Variants in TGFBRAP1 observed in about 807,000 individuals in gnomAD.
TGFBRAP1 encodes the protein transforming growth factor-beta receptor-associated protein 1.
Under a neutral mutation model 83.2 loss-of-function variants are expected in TGFBRAP1, and 20 were observed. That is an observed-to-expected ratio of 0.24 (90% CI 0.17 to 0.35). The LOEUF (loss-of-function observed/expected upper bound fraction) is 0.35, where lower values mean the gene tolerates loss of function less well. Among genes scored for constraint, TGFBRAP1 ranks in the 10% least tolerant of loss-of-function variants. The probability of loss-of-function intolerance (pLI) is 1.00; values close to 1 mark genes in which losing one functional copy is unlikely to be tolerated. For synonymous variants in TGFBRAP1, 415 were observed against 459.8 expected (o/e 0.90, Z 1.25); for missense variants, 950 against 1,099.4 (o/e 0.86, Z 1.92).
Position 105,326,995 on chromosome 2 carries a change from C to T in TGFBRAP1, c.-18+2630G>A, listed in dbSNP as rs986623843. On this transcript the variant is annotated intron_variant, in intron 1 of 11. Coordinates refer to ENST00000393359, the MANE Select transcript of TGFBRAP1 (RefSeq NM_004257.6). ...ATTTATTTTTTTAAATAAAGAAAAA[C>T]GAGTCAGGTTTGCTACAGAGATGAG... Among the ~76,000 whole-genome samples the T allele has an allele frequency of 6.6e-5, 10 of 152,144 alleles. 1 individual carries two copies. The South Asian group carries it at 1.0e-3, about 16-fold the overall frequency.
intron 1 of TGFBRAP1, among the ~76,000 whole-genome samples, chr2:105,325,638 T>G (rs1159661750): frequency 6.6e-6 from 1 of 151,948 alleles, no homozygotes; most frequent in African/African-American, 2.4e-5. Context: ...CCACCGTGAG[T>G]CTAGAAGAGG....
intron 1 of TGFBRAP1, among the ~76,000 whole-genome samples, chr2:105,309,330 G>A (rs771852041): frequency 6.6e-6 from 1 of 152,216 alleles, no homozygotes; most frequent in Non-Finnish European, 1.5e-5. Context: ...CTGGGCTTGC[G>A]TCAGCACTGC....
chr2:105,277,402 T>G (rs1170907337), intron 7 of TGFBRAP1, among the ~76,000 whole-genome samples: 1 of 152,224 alleles, frequency 6.6e-6, no homozygotes, highest in Admixed American at 6.5e-5. Context: ...ATAATGTTCT[T>G]TAAGGAGATG....
the TGFBRAP1 span, among the ~76,000 whole-genome samples, chr2:105,250,294 G>A: frequency 0.037 from 5,640 of 152,260 alleles, 367 homozygotes; most frequent in African/African-American, 0.13. Context: ...GTAAACTCCT[G>A]AAGATCCCCA....
At chr2:105,259,134 C>T in the TGFBRAP1 span, among the ~76,000 whole-genome samples, 1 of 152,188 alleles carries the variant, frequency 6.6e-6, no homozygotes, top group Admixed American at 6.5e-5. Flanking sequence ...GTGGTCTATT[C>T]CACACGGAAT....
chr2:105,275,774 T>C, intron 7 of TGFBRAP1, 71 bp from the exon 8 acceptor site: 11 of 1,478,646 alleles, frequency 7.4e-6, no homozygotes, highest in African/African-American at 1.4e-5. Context: ...TATCTCAGAA[T>C]TAGTTGAGAA....
chr2:105,301,530 T>C (rs1678291756), intron 2 of TGFBRAP1, among the ~76,000 whole-genome samples: 1 of 152,004 alleles, frequency 6.6e-6, no homozygotes, highest in African/African-American at 2.4e-5. Flanking sequence ...GAGGTTGCAG[T>C]GAGCCGAGAT....
chr2:105,290,464 GA>G (rs1221544242), intron 4 of TGFBRAP1, among the ~76,000 whole-genome samples: 1 of 152,104 alleles, frequency 6.6e-6, no homozygotes, highest in Non-Finnish European at 1.5e-5. Flanking sequence ...AGATATTAGA[GA>G]AATTAGCCCT....
intron 2 of TGFBRAP1, among the ~76,000 whole-genome samples, chr2:105,302,476 G>A (rs1044052193): frequency 5.9e-5 from 9 of 151,962 alleles, no homozygotes; most frequent in African/African-American, 9.7e-5. Context: ...AGAATAGTGC[G>A]CAGCTATAAA....
chr2:105,277,500 G>A (rs1000977950), intron 7 of TGFBRAP1, 114 bp downstream of exon 7: 1 of 883,758 alleles, frequency 1.1e-6, no homozygotes, highest in South Asian at 1.4e-5. Context: ...GTATAAAAGG[G>A]TGTAGATCAG....
downstream of TGFBRAP1, among the ~76,000 whole-genome samples, chr2:105,260,719 C>G (rs1402549672): frequency 9.0e-6 from 1 of 111,326 alleles, no homozygotes; most frequent in East Asian, 2.6e-4. Flanking sequence ...CAGAACTACA[C>G]ACTTAAAAAT....
intron 4 of TGFBRAP1, 152 bp downstream of exon 4, chr2:105,296,204 A>T: frequency 1.0e-6 from 1 of 965,008 alleles, no homozygotes; most frequent in Non-Finnish European, 1.5e-6. Flanking sequence ...CCTTATCTAC[A>T]CAATATGTAT....
chr2:105,302,592 T>C (rs910283231), intron 2 of TGFBRAP1, among the ~76,000 whole-genome samples: 6 of 151,990 alleles, frequency 3.9e-5, no homozygotes, highest in African/African-American at 7.2e-5. Context: ...AAGGAGGAGA[T>C]ACAAATATTT....
At chr2:105,292,775 T>C (rs1201748387) in intron 4 of TGFBRAP1, among the ~76,000 whole-genome samples, 1 of 152,198 alleles carries the variant, frequency 6.6e-6, no homozygotes, top group Admixed American at 6.5e-5. Context: ...TTGAATATAC[T>C]TTGTTTTACT....
chr2:105,261,649 G>A (rs6745194), downstream of TGFBRAP1, among the ~76,000 whole-genome samples: 15,953 of 152,138 alleles, frequency 0.1, 1,138 homozygotes, highest in Middle Eastern at 0.15. Context: ...CTACTCGGGA[G>A]GCTGAGGCAG....
rs779646367 is a variant in TGFBRAP1, at chr2:105,267,375, C to G, written c.*8G>C. On this transcript the variant is annotated 3_prime_UTR_variant, in exon 12 of 12. Transcript: ENST00000393359. ...CGGAGTTCCCCTCGCACCCTTGGGC[C>G]AAGCTTTTCAAGTCCGAGTGCCAGG... 6.2e-7 allele frequency: 1 copy of G among 1,614,032 alleles called. No individual in the cohort carries two copies. The highest frequency in any genetic ancestry group is 8.5e-7 in the Non-Finnish European group (1 of 1,179,976).
chr2:105,287,343 T>A (rs1416812072), intron 4 of TGFBRAP1, among the ~76,000 whole-genome samples: 1 of 152,172 alleles, frequency 6.6e-6, no homozygotes, highest in East Asian at 1.9e-4. Flanking sequence ...TAAAAATAGT[T>A]AAAATGGTAA....
At chr2:105,296,110 A>G (rs1334276257) in intron 4 of TGFBRAP1, among the ~76,000 whole-genome samples, 1 of 152,214 alleles carries the variant, frequency 6.6e-6, no homozygotes, top group Non-Finnish European at 1.5e-5. Flanking sequence ...TAGCAGAATT[A>G]AGTCACAAGT....
At chr2:105,255,139 A>G in the TGFBRAP1 span, among the ~76,000 whole-genome samples, 1 of 150,492 alleles carries the variant, frequency 6.6e-6, no homozygotes, top group Non-Finnish European at 1.5e-5. Flanking sequence ...GAGAAGCAGA[A>G]TACAATTTCA....
Sources: gnomAD v4.1 joint callset for allele counts (sites outside exome capture counted in the v4.1 genomes callset) on GRCh38, gnomAD v4.1.1 for gene constraint, MANE v1.5 for transcripts, NCBI Gene and HGNC (gene_info 2026-07-23, HGNC 2026-07-21) for gene names.